ERBB4: variants seen among roughly 807,000 people sequenced by gnomAD.
The protein encoded by ERBB4 is receptor tyrosine-protein kinase erbB-4.
In ERBB4, 42 loss-of-function variants were observed where a neutral mutation model predicts 158.0. The observed-to-expected ratio is 0.27, with a 90% CI of 0.21 to 0.34. The LOEUF is 0.34. Ranked by LOEUF, ERBB4 falls within the 10% of genes least tolerant of loss-of-function variation. ERBB4 has a pLI of 1.00. For synonymous variants in ERBB4, 583 were observed against 558.7 expected, an observed-to-expected ratio of 1.04 and a Z score of -0.61; for missense variants, 1,333 against 1,624.1, an observed-to-expected ratio of 0.82 and a Z score of 3.08.
At chr2:211,916,811 T>C (rs72933754) in intron 3 of ERBB4, among the ~76,000 whole-genome samples, 18,427 of 152,134 alleles carry the variant, frequency 0.12, 1,441 homozygotes, top group African/African-American at 0.21. Flanking sequence ...GAGACACATT[T>C]AAGAATGTTT....
At chr2:211,407,198 CTAT>C (rs201621069) in intron 25 of ERBB4, among the ~76,000 whole-genome samples, 2,265 of 152,152 alleles carry the variant, frequency 0.015, 53 homozygotes, top group African/African-American at 0.052. Context: ...CAGGTATCAC[CTAT>C]TATTATTTAC....
chr2:212,274,951 T>G (rs529255015), intron 1 of ERBB4, among the ~76,000 whole-genome samples: 1 of 151,948 alleles, frequency 6.6e-6, no homozygotes, highest in African/African-American at 2.4e-5. Context: ...GGCCCCACTG[T>G]GTGATGTTCC....
chr2:212,423,058 G>A (rs771890700), intron 1 of ERBB4, among the ~76,000 whole-genome samples: 4 of 152,008 alleles, frequency 2.6e-5, no homozygotes, highest in Non-Finnish European at 5.9e-5. Flanking sequence ...ACTTGAGTAA[G>A]AGGATAAACG....
At chr2:212,387,180 T>G (rs997910903) in intron 1 of ERBB4, among the ~76,000 whole-genome samples, 1 of 152,142 alleles carries the variant, frequency 6.6e-6, no homozygotes, top group Non-Finnish European at 1.5e-5. Context: ...GTTATTTGTA[T>G]CTTTTTGGTT....
chr2:212,179,594 A>G (rs149073099), intron 1 of ERBB4, among the ~76,000 whole-genome samples: 261 of 151,654 alleles, frequency 1.7e-3, no homozygotes, highest in African/African-American at 5.4e-3. Flanking sequence ...CTCACCCTTT[A>G]GCTGCATTTG....
chr2:211,440,450 G>A (rs2063948889), intron 20 of ERBB4, among the ~76,000 whole-genome samples: 1 of 152,156 alleles, frequency 6.6e-6, no homozygotes, highest in Non-Finnish European at 1.5e-5. Flanking sequence ...CTTTCTCTGA[G>A]CATACATATT....
At chr2:211,965,439 G>T (rs1283566559) in intron 2 of ERBB4, among the ~76,000 whole-genome samples, 1 of 151,924 alleles carries the variant, frequency 6.6e-6, no homozygotes, top group African/African-American at 2.4e-5. Flanking sequence ...TAAAAGATTT[G>T]CCTGATATAG....
chr2:211,478,378 G>A (rs774295071), intron 20 of ERBB4, among the ~76,000 whole-genome samples: 21 of 152,134 alleles, frequency 1.4e-4, no homozygotes, highest in African/African-American at 3.6e-4. Context: ...ACAAATCTGC[G>A]TTTCCAGATA....
In ERBB4 at chr2:211,580,844, T is replaced by TATATAA. The variant is rs1232460302; in HGVS notation, c.2302-18757_2302-18756insTTATAT. ...ATATATTATATATATAGATTATATA[T>TATATAA]TATATATATAGTATGCATATACATA... On this transcript the variant is annotated intron_variant, in intron 19 of 27. Transcript: ENST00000342788. Among the ~76,000 whole-genome samples the TATATAA allele has an allele frequency of 3.4e-5, 2 of 58,700 alleles. 1 individual carries two copies. Among genetic ancestry groups the TATATAA allele is most frequent in the Non-Finnish European group, 7.9e-5 (2 of 25,208 alleles). 38.5% of individuals were successfully genotyped at this position (58,700 alleles called of 152,430 possible).
At chr2:211,775,735 T>C (rs1157699634) in intron 4 of ERBB4, among the ~76,000 whole-genome samples, 1 of 152,220 alleles carries the variant, frequency 6.6e-6, no homozygotes, top group Non-Finnish European at 1.5e-5. Flanking sequence ...ATGGCCTTAT[T>C]CAACCAAGCA....
At chr2:211,525,091 G>A (rs1308161207) in intron 20 of ERBB4, among the ~76,000 whole-genome samples, 1 of 152,174 alleles carries the variant, frequency 6.6e-6, no homozygotes, top group Non-Finnish European at 1.5e-5. Context: ...AGTGTTCTGG[G>A]TTCCTAAATA....
chr2:211,572,473 C>T (rs567176285), intron 19 of ERBB4, among the ~76,000 whole-genome samples: 11 of 152,254 alleles, frequency 7.2e-5, no homozygotes, highest in Admixed American at 2.0e-4. Context: ...ATGATGACAA[C>T]GGGCTACGAC....
chr2:211,743,751 A>G (rs6706010), intron 5 of ERBB4, among the ~76,000 whole-genome samples: 127,138 of 152,144 alleles, frequency 0.84, 53,436 homozygotes, highest in African/African-American at 0.91. Context: ...TTAATCCACT[A>G]AATCAATTTA....
At chr2:212,479,767 T>C (rs546797678) in intron 1 of ERBB4, among the ~76,000 whole-genome samples, 2 of 152,294 alleles carry the variant, frequency 1.3e-5, no homozygotes, top group African/African-American at 2.4e-5. Flanking sequence ...CTGAGATATA[T>C]GTTTGGTGGA....
chr2:211,440,285 T>G (rs1285090478), intron 20 of ERBB4, among the ~76,000 whole-genome samples: 1 of 152,180 alleles, frequency 6.6e-6, no homozygotes, highest in Admixed American at 6.6e-5. Context: ...TTCTACTCCT[T>G]AGGCAGCCAA....
chr2:212,493,980 C>A (rs981485483), intron 1 of ERBB4, among the ~76,000 whole-genome samples: 4 of 151,690 alleles, frequency 2.6e-5, no homozygotes, highest in African/African-American at 9.7e-5. Flanking sequence ...GATTAAAATT[C>A]TTATTAAGAA....
At chr2:211,618,629 G>T (rs1047653873) in intron 19 of ERBB4, among the ~76,000 whole-genome samples, 1 of 151,934 alleles carries the variant, frequency 6.6e-6, no homozygotes, top group African/African-American at 2.4e-5. Flanking sequence ...CAGGTTCTTG[G>T]TCTGTCATAT....
intron 1 of ERBB4, among the ~76,000 whole-genome samples, chr2:212,375,367 T>G (rs2090283896): frequency 6.6e-6 from 1 of 152,130 alleles, no homozygotes; most frequent in African/African-American, 2.4e-5. Flanking sequence ...GTGAAATTCA[T>G]CTAATGAAGA....
intron 22 of ERBB4, among the ~76,000 whole-genome samples, chr2:211,427,157 ATAGT>A (rs1224829247): frequency 1.3e-5 from 2 of 152,094 alleles, no homozygotes; most frequent in Non-Finnish European, 2.9e-5. Context: ...TTTTTTAAAG[ATAGT>A]TAATTTTTTC....
Sources: gnomAD v4.1 joint callset for allele counts (sites outside exome capture counted in the v4.1 genomes callset) on GRCh38, gnomAD v4.1.1 for gene constraint, MANE v1.5 for transcripts, NCBI Gene and HGNC (gene_info 2026-07-23, HGNC 2026-07-21) for gene names.